Variants in LRRIQ1 observed in about 807,000 individuals in gnomAD.
The protein encoded by LRRIQ1 is leucine-rich repeat- and IQ domain-containing protein 1.
Under a neutral mutation model 211.9 loss-of-function variants are expected in LRRIQ1, and 210 were observed. The observed-to-expected ratio is 0.99, with a 90% CI of 0.89 to 1.11. LRRIQ1 has a LOEUF of 1.11. LRRIQ1 is among the 50% of genes most tolerant of loss of function. LRRIQ1 has a pLI of 0.00. For synonymous variants in LRRIQ1, 699 were observed against 650.1 expected, an observed-to-expected ratio of 1.08 and a Z score of -1.14; for missense variants, 2,136 against 1,939.5, an observed-to-expected ratio of 1.10 and a Z score of -1.90.
At chr12:85,125,802 T>C (rs560770070) in intron 17 of LRRIQ1, among the ~76,000 whole-genome samples, 1 of 152,270 alleles carries the variant, frequency 6.6e-6, no homozygotes, top group East Asian at 1.9e-4. Context: ...CTATTGAAAT[T>C]TCATATAAAC....
At chr12:85,153,556 C>T in intron 21 of LRRIQ1, 107 bp from the exon 22 acceptor site, 1 of 726,924 alleles carries the variant, frequency 1.4e-6, no homozygotes, top group Non-Finnish European at 2.2e-6. Flanking sequence ...TTTTTGCTAA[C>T]TTAGATTTTA....
At chr12:85,197,971 T>C (rs1231031925) in intron 24 of LRRIQ1, among the ~76,000 whole-genome samples, 1 of 107,066 alleles carries the variant, frequency 9.3e-6, no homozygotes, top group Non-Finnish European at 1.8e-5. Flanking sequence ...TATATATAAA[T>C]ATATATAATT....
In LRRIQ1 at chr12:85,153,686, G is replaced by A; in HGVS notation, c.4565G>A (p.Trp1522Ter). The change falls in exon 22 of 27, where the codon TGG (tryptophan) becomes TAG (stop). Residue 1522 changes from tryptophan to a stop codon, truncating the protein, a stop_gained. Coordinates refer to ENST00000393217, the MANE Select transcript of LRRIQ1 (RefSeq NM_001079910.2). LOFTEE classifies it high-confidence loss of function. ...AGATCAGAAAATAAAACTTCTTCCT[G>A]GACACCTGAATCAAAGACCAGTAGA... is the stretch of plus-strand genomic sequence containing the variant. ...NSRSENKTSS[W>*]TPESKTSRKS... 6.3e-7 allele frequency: 1 copy of A among 1,581,824 alleles called. No homozygotes were observed. The highest frequency in any genetic ancestry group is 1.4e-5 in the African/African-American group (1 of 72,930).
chr12:85,100,175 A>G (rs1886239109), intron 13 of LRRIQ1, among the ~76,000 whole-genome samples: 1 of 151,848 alleles, frequency 6.6e-6, no homozygotes, highest in African/African-American at 2.4e-5. Context: ...ACCTCAAGCC[A>G]CATTAATAAG....
At chr12:85,091,521 TTTG>T (rs1226324015) in intron 11 of LRRIQ1, among the ~76,000 whole-genome samples, 5 of 152,080 alleles carry the variant, frequency 3.3e-5, no homozygotes, top group South Asian at 4.1e-4. Flanking sequence ...CTTGTCAATT[TTTG>T]TTGTTGTTGT....
At chr12:85,230,958 G>A (rs1041689247) in intron 25 of LRRIQ1, among the ~76,000 whole-genome samples, 4 of 151,998 alleles carry the variant, frequency 2.6e-5, no homozygotes, top group African/African-American at 9.6e-5. Flanking sequence ...TGAGGCAGGA[G>A]AATGGCACGA....
intron 13 of LRRIQ1, among the ~76,000 whole-genome samples, chr12:85,103,158 A>G (rs1485451699): frequency 1.3e-5 from 2 of 150,338 alleles, no homozygotes; most frequent in African/African-American, 2.4e-5. Context: ...TTTGTTTCCA[A>G]TGACGTGGGT....
chr12:85,097,034 T>C (rs566009909), intron 11 of LRRIQ1, among the ~76,000 whole-genome samples: 1 of 152,284 alleles, frequency 6.6e-6, no homozygotes, highest in Non-Finnish European at 1.5e-5. Flanking sequence ...CCCTTTACTT[T>C]GAGCCTATAT....
At chr12:85,144,453 G>A (rs943922668) in intron 19 of LRRIQ1, among the ~76,000 whole-genome samples, 2 of 151,512 alleles carry the variant, frequency 1.3e-5, no homozygotes, top group African/African-American at 4.8e-5. Flanking sequence ...TGTTTAATTG[G>A]TTGATCAAGA....
intron 24 of LRRIQ1, among the ~76,000 whole-genome samples, chr12:85,163,562 A>G (rs978158474): frequency 1.3e-5 from 2 of 152,150 alleles, no homozygotes; most frequent in African/African-American, 4.8e-5. Flanking sequence ...TTAAAAAAAA[A>G]TTACTTTCTA....
chr12:85,190,862 C>T (rs1228093703), intron 24 of LRRIQ1, among the ~76,000 whole-genome samples: 1 of 151,882 alleles, frequency 6.6e-6, no homozygotes, highest in Non-Finnish European at 1.5e-5. Flanking sequence ...CCAAATTTCA[C>T]CTCTAGCCAT....
chr12:85,065,970 T>C (rs1882384897), intron 9 of LRRIQ1, among the ~76,000 whole-genome samples: 2 of 151,884 alleles, frequency 1.3e-5, no homozygotes, highest in African/African-American at 4.8e-5. Context: ...TGAGTGTTCC[T>C]AAAAGACATG....
chr12:85,233,141 A>G, intron 26 of LRRIQ1: 1 of 225,446 alleles, frequency 4.4e-6, no homozygotes, highest in Non-Finnish European at 8.7e-6. Flanking sequence ...TAAAAAATTA[A>G]CAAATAATTG....
intron 1 of LRRIQ1, among the ~76,000 whole-genome samples, chr12:85,252,591 C>A (rs763024690): frequency 1.3e-5 from 2 of 151,422 alleles, no homozygotes; most frequent in Non-Finnish European, 2.9e-5. Flanking sequence ...TTATGGAATT[C>A]TGTGAAAGGT....
chr12:85,246,113 AT>A (rs1895706608), downstream of LRRIQ1, among the ~76,000 whole-genome samples: 1 of 151,248 alleles, frequency 6.6e-6, no homozygotes, highest in South Asian at 2.1e-4. Flanking sequence ...TGAAATAATA[AT>A]TTTAATACAT....
At chr12:85,116,611 A>T (rs1490722976) in intron 15 of LRRIQ1, among the ~76,000 whole-genome samples, 2 of 152,128 alleles carry the variant, frequency 1.3e-5, no homozygotes, top group Non-Finnish European at 2.9e-5. Context: ...ACACAGGTAA[A>T]CACATGTCAT....
At chr12:85,107,036 A>G (rs997448418) in intron 15 of LRRIQ1, among the ~76,000 whole-genome samples, 1 of 152,064 alleles carries the variant, frequency 6.6e-6, no homozygotes, top group Non-Finnish European at 1.5e-5. Context: ...TGTCTGTTAA[A>G]AAGTTTGTGT....
At chr12:85,221,941 G>A (rs1303770787) in intron 24 of LRRIQ1, among the ~76,000 whole-genome samples, 2 of 152,150 alleles carry the variant, frequency 1.3e-5, no homozygotes, top group African/African-American at 4.8e-5. Context: ...TTAGAAGGCT[G>A]TTGCAGTAAT....
intron 18 of LRRIQ1, 32 bp from the exon 19 acceptor site, chr12:85,137,818 C>T (rs776493466): frequency 2.2e-5 from 34 of 1,546,054 alleles, no homozygotes; most frequent in Non-Finnish European, 3.0e-5. Context: ...TGATCTATAA[C>T]TTTGTATAAC....
Sources: allele counts gnomAD v4.1 joint callset (sites outside exome capture counted in the v4.1 genomes callset), GRCh38; gene constraint gnomAD v4.1.1; transcripts MANE v1.5; gene names NCBI Gene and HGNC (gene_info 2026-07-23, HGNC 2026-07-21).